The following IGF2R variants were observed in gnomAD, a reference collection of about 807,000 sequenced individuals.
IGF2R encodes insulin like growth factor 2 receptor, also known as cation-independent mannose-6-phosphate receptor.
Under a neutral mutation model 270.6 loss-of-function variants are expected in IGF2R, and 91 were observed. The ratio of observed to expected loss-of-function variants is 0.34; its 90% CI spans 0.28 to 0.40. IGF2R has a LOEUF of 0.40. Ranked by LOEUF, IGF2R falls within the 10% of genes least tolerant of loss-of-function variation. IGF2R has a pLI of 1.00. For missense variants in IGF2R, 2,805 were observed against 3,188.3 expected (o/e 0.88, Z 2.90); for synonymous variants, 1,316 against 1,258.9 (o/e 1.05, Z -0.96).
intron 2 of IGF2R, among the ~76,000 whole-genome samples, chr6:159,992,293 T>C (rs922648287): frequency 6.6e-6 from 1 of 152,186 alleles, no homozygotes; most frequent in African/African-American, 2.4e-5. Context: ...TATTGCATAG[T>C]TGTAAATCTG....
chr6:159,981,637 C>G lies in IGF2R; in HGVS notation c.150-9547C>G, dbSNP rs560024318. 5.9e-4 allele frequency among the ~76,000 whole-genome samples: 90 copies of G among 152,184 alleles called. 1 individual carries two copies. The highest frequency in any genetic ancestry group is 9.0e-4 in the Non-Finnish European group (61 of 68,036). On this transcript the variant is annotated intron_variant, in intron 1 of 47. Transcript: ENST00000356956. Reference sequence around the variant, plus strand: ...TCCTCACAATGACCTTGTAGGCTAGCTGAGTTTTGTCGAGGAAGTTGAGCT... The same window carrying G: ...TCCTCACAATGACCTTGTAGGCTAGGTGAGTTTTGTCGAGGAAGTTGAGCT...
rs1304993761 is a variant in IGF2R, at chr6:160,096,588, C to G, written c.6805C>G (p.Leu2269Val). The change falls in exon 45 of 48, where the codon CTC (leucine) becomes GTC (valine). Residue 2269 changes from leucine (L) to valine (V), a missense_variant. Coordinates refer to ENST00000356956, the MANE Select transcript of IGF2R (RefSeq NM_000876.4). ...TCACGAGACTGCCGACTGCCAGTAC[C>G]TCTTCTCTTGGTACACCTCAGCCGT... Reference protein sequence around the residue: ...FSHETADCQYLFSWYTSAVCP... With the variant: ...FSHETADCQYVFSWYTSAVCP... The G allele has an allele frequency of 6.2e-7, 1 of 1,614,174 alleles. No homozygotes were observed. The highest frequency in any genetic ancestry group is 1.3e-5 in the African/African-American group (1 of 75,044).
rs1195854435 is a variant in IGF2R at position 160,085,106 on chromosome 6, T to C, written c.6180T>C (p.Val2060=). The C allele has an allele frequency of 3.1e-6, 5 of 1,613,780 alleles. No individual in the cohort carries two copies. Among genetic ancestry groups the C allele is most frequent in the Non-Finnish European group, 4.2e-6 (5 of 1,179,914 alleles). The change falls in exon 41 of 48, where the codon GTT becomes GTC. Residue 2060 remains valine, a synonymous_variant. Coordinates refer to ENST00000356956, the MANE Select transcript of IGF2R (RefSeq NM_000876.4). ...TTGDVQVLGL[V]HTQKLGVIGD... ...GTGACGTCCAGGTCCTGGGACTCGTTCACACGCAGAAGCTGGGTGTCATAG... is the reference window on the plus strand; with the variant it reads ...GTGACGTCCAGGTCCTGGGACTCGTCCACACGCAGAAGCTGGGTGTCATAG...
intron 4 of IGF2R, among the ~76,000 whole-genome samples, chr6:160,012,620 C>G (rs1455732455): frequency 6.6e-6 from 1 of 151,600 alleles, no homozygotes; most frequent in Non-Finnish European, 1.5e-5. Context: ...GGAATCTGCC[C>G]TCATGATCCA....
intron 2 of IGF2R, among the ~76,000 whole-genome samples, chr6:159,995,895 C>CTT (rs35974914): frequency 1.5e-4 from 15 of 98,720 alleles, no homozygotes; most frequent in African/African-American, 3.0e-4. Context: ...TTGCAGCGCT[C>CTT]TTTTTTTTTT....
chr6:160,074,944 G>A (rs913859338), intron 35 of IGF2R, among the ~76,000 whole-genome samples: 10 of 152,196 alleles, frequency 6.6e-5, no homozygotes, highest in African/African-American at 1.9e-4. Context: ...ATCCTCGATC[G>A]GGAATCATTG....
chr6:160,009,374 T>A (rs1367956950), intron 3 of IGF2R, among the ~76,000 whole-genome samples: 1 of 152,242 alleles, frequency 6.6e-6, no homozygotes, highest in African/African-American at 2.4e-5. Flanking sequence ...TCAAAGTGAT[T>A]ACTGTGTTAA....
At chr6:160,080,798 G>A (rs555793494) in intron 39 of IGF2R, among the ~76,000 whole-genome samples, 37 of 152,200 alleles carry the variant, frequency 2.4e-4, no homozygotes, top group Admixed American at 2.3e-3. Flanking sequence ...TCTACGGACC[G>A]TGAGATGAGG....
chr6:159,991,223 T>G lies in IGF2R; in HGVS notation c.189T>G (p.Leu63=). Residue 63 remains leucine (L), a synonymous_variant, in exon 2 of 48, where the codon CTT becomes CTG. Transcript: ENST00000356956. ...CTGTTGATACCAAAAATAATGTACTTTATAAAATCAACATCTGTGGAAGTG... is the reference window on the plus strand; with the variant it reads ...CTGTTGATACCAAAAATAATGTACTGTATAAAATCAACATCTGTGGAAGTG... ...WEAVDTKNNV[L]YKINICGSVD... 6.2e-7 allele frequency: 1 copy of G among 1,613,430 alleles called. No individual in the cohort carries two copies. The highest frequency in any genetic ancestry group is 2.2e-5 in the East Asian group (1 of 44,856).
intron 1 of IGF2R, among the ~76,000 whole-genome samples, chr6:159,990,375 G>A (rs1224207531): frequency 1.3e-5 from 2 of 152,102 alleles, no homozygotes; most frequent in African/African-American, 2.4e-5. Context: ...GAGTTCTCAC[G>A]AGATCTGATG....
Position 160,106,748 on chromosome 6 carries a change from CT to C in IGF2R, c.*1666del, listed in dbSNP as rs1379113567. 4 of 152,196 alleles carry C rather than the reference CT, an allele frequency of 2.6e-5. No individual in the cohort carries two copies. The highest frequency in any genetic ancestry group is 2.6e-4 in the Admixed American group (4 of 15,262). The allele number at this position is 152,196 out of a possible 1,614,324, so 9.4% of individuals were successfully genotyped here. On this transcript the variant is annotated 3_prime_UTR_variant, in exon 48 of 48. Transcript: ENST00000356956. Reference sequence around the variant, plus strand: ...GGTGTTAACTTTGGGTCCAATCTGCCTTCCCTTGGCTCTTTCTAGATCCGAT... The same window carrying C: ...GGTGTTAACTTTGGGTCCAATCTGCCTCCCTTGGCTCTTTCTAGATCCGAT...
chr6:160,019,316 A>G lies in IGF2R; in HGVS notation c.514-5256A>G, dbSNP rs185019179. ...ATTTAAGAAAAACAAAACAAACAAAACAAAACAAAACAAAAACCTCCCAAC... is the reference window on the plus strand; with the variant it reads ...ATTTAAGAAAAACAAAACAAACAAAGCAAAACAAAACAAAAACCTCCCAAC... On this transcript the variant is annotated intron_variant, in intron 4 of 47. Transcript: ENST00000356956. Among the ~76,000 whole-genome samples, 52 of 152,236 alleles carry G rather than the reference A, an allele frequency of 3.4e-4. No homozygotes were observed. The East Asian group carries it at 8.5e-3, about 25-fold the overall frequency.
intron 29 of IGF2R, among the ~76,000 whole-genome samples, chr6:160,067,187 C>T (rs781645193): frequency 5.9e-5 from 9 of 152,146 alleles, no homozygotes; most frequent in Non-Finnish European, 1.3e-4. Context: ...CTGTCTTTCT[C>T]GGGTCATGTC....
At chr6:159,994,314 TTG>T (rs1244342700) in intron 2 of IGF2R, among the ~76,000 whole-genome samples, 1 of 152,074 alleles carries the variant, frequency 6.6e-6, no homozygotes, top group African/African-American at 2.4e-5. Context: ...TCATTTCTGA[TTG>T]TGCTTATTTG....
intron 39 of IGF2R, among the ~76,000 whole-genome samples, chr6:160,081,200 C>T (rs181883019): frequency 2.0e-5 from 3 of 151,572 alleles, no homozygotes; most frequent in Admixed American, 1.3e-4. Flanking sequence ...GATTTTTCAA[C>T]GTAGGTTCTT....
chr6:160,092,682 C>G (rs1779252878), intron 44 of IGF2R, among the ~76,000 whole-genome samples: 1 of 152,232 alleles, frequency 6.6e-6, no homozygotes, highest in Non-Finnish European at 1.5e-5. Flanking sequence ...CCCACATCAG[C>G]CCTGTGGAAC....
rs150103016 is a variant in IGF2R, at chr6:160,046,456, G to A, written c.1904-42G>A. 2.7e-5 allele frequency: 43 copies of A among 1,575,774 alleles called. No homozygotes were observed. In the African/African-American group the frequency reaches 3.6e-4, roughly 13 times the overall value. On this transcript the variant is annotated intron_variant, in intron 14 of 47. Transcript: ENST00000356956. ...GGGTGAGACCACTCTGTTAACTGTC[G>A]GACTGACCTTCCATACTTTTATTGT...
chr6:159,972,369 A>C (rs974228133), intron 1 of IGF2R, among the ~76,000 whole-genome samples: 9 of 152,192 alleles, frequency 5.9e-5, no homozygotes, highest in African/African-American at 2.2e-4. Context: ...CATACGTGGA[A>C]TGTGTTTTTC....
chr6:160,049,388 C>T (rs545477648), intron 18 of IGF2R, among the ~76,000 whole-genome samples: 75 of 152,266 alleles, frequency 4.9e-4, no homozygotes, highest in African/African-American at 1.7e-3. Flanking sequence ...GTGCATAGTA[C>T]CCGACAAGCC....
Sources: allele counts gnomAD v4.1 joint callset (sites outside exome capture counted in the v4.1 genomes callset), GRCh38; gene constraint gnomAD v4.1.1; transcripts MANE v1.5; gene names NCBI Gene and HGNC (gene_info 2026-07-23, HGNC 2026-07-21).